The following BMP6 variants were observed in gnomAD, a reference collection of about 807,000 sequenced individuals.
BMP6 encodes the protein VG-1-R.
A neutral mutation model predicts 54.1 loss-of-function variants in BMP6; 17 were observed. The observed-to-expected ratio is 0.31, with a 90% confidence interval of 0.22 to 0.47. BMP6 has a LOEUF of 0.47. BMP6 is among the 20% of genes least tolerant of loss of function. The probability of loss-of-function intolerance (pLI) is 1.00; values close to 1 mark genes in which losing one functional copy is unlikely to be tolerated. For missense variants in BMP6, 720 were observed against 690.4 expected, an observed-to-expected ratio of 1.04 and a Z score of -0.48; for synonymous variants, 328 against 291.2, an observed-to-expected ratio of 1.13 and a Z score of -1.28.
chr6:7,872,427 T>C (rs1244438579), intron 4 of BMP6, among the ~76,000 whole-genome samples: 7 of 152,148 alleles, frequency 4.6e-5, no homozygotes. Context: ...GCACTTAACA[T>C]GGAATTATAA....
chr6:7,843,763 G>A (rs1759015483), intron 1 of BMP6, among the ~76,000 whole-genome samples: 2 of 152,104 alleles, frequency 1.3e-5, no homozygotes, highest in African/African-American at 4.8e-5. Flanking sequence ...TCTGAAGTTT[G>A]ATATCACTTT....
At chr6:7,834,300 C>A (rs1758839188) in intron 1 of BMP6, among the ~76,000 whole-genome samples, 1 of 149,564 alleles carries the variant, frequency 6.7e-6, no homozygotes, top group African/African-American at 2.5e-5. Context: ...AGGAAATACA[C>A]CACCAAAATG....
intron 1 of BMP6, among the ~76,000 whole-genome samples, chr6:7,836,211 A>T (rs202010586): frequency 0.075 from 9,579 of 127,846 alleles, 405 homozygotes; most frequent in African/African-American, 0.17. Context: ...TTTTTTTTTT[A>T]AAAAAAAATG....
In BMP6 at chr6:7,727,360, C is replaced by T; in HGVS notation, c.405C>T (p.Phe135=). 2 of 1,610,074 alleles carry T rather than the reference C, an allele frequency of 1.2e-6. No homozygotes were observed. Among genetic ancestry groups the T allele is most frequent in the Non-Finnish European group, 1.7e-6 (2 of 1,178,870 alleles). The part of the protein sequence containing the change: ...PPGRLKSAPL[F]MLDLYNALSA... ...GGCGACTGAAGTCCGCGCCCCTCTT[C>T]ATGCTGGATCTGTACAACGCCCTGT... Residue 135 remains phenylalanine (F), a synonymous_variant, in exon 1 of 7, where the codon TTC becomes TTT. Transcript: ENST00000283147.
At chr6:7,839,395 C>T (rs897517648) in intron 1 of BMP6, among the ~76,000 whole-genome samples, 4 of 152,214 alleles carry the variant, frequency 2.6e-5, no homozygotes, top group Non-Finnish European at 5.9e-5. Flanking sequence ...GTGCCACTAT[C>T]ACCACTTCCT....
At chr6:7,852,554 G>A (rs897685447) in intron 2 of BMP6, among the ~76,000 whole-genome samples, 14 of 152,172 alleles carry the variant, frequency 9.2e-5, no homozygotes, top group Admixed American at 9.2e-4. Flanking sequence ...TCTATGCTGG[G>A]CAACAAAGCA....
intron 2 of BMP6, among the ~76,000 whole-genome samples, chr6:7,855,278 G>T (rs1759207188): frequency 6.6e-6 from 1 of 152,178 alleles, no homozygotes; most frequent in South Asian, 2.1e-4. Context: ...ATGGTTCTTA[G>T]ACCAGCAGCA....
intron 1 of BMP6, among the ~76,000 whole-genome samples, chr6:7,781,815 G>A (rs1470866434): frequency 6.6e-6 from 1 of 151,540 alleles, no homozygotes; most frequent in Non-Finnish European, 1.5e-5. Context: ...GAGGCCCCAT[G>A]TCAGTGGGGG....
intron 4 of BMP6, among the ~76,000 whole-genome samples, chr6:7,870,820 G>C (rs530985334): frequency 6.6e-5 from 10 of 152,304 alleles, no homozygotes; most frequent in East Asian, 3.9e-4. Flanking sequence ...GTAGAGACAG[G>C]GTTTCACCAT....
intron 1 of BMP6, among the ~76,000 whole-genome samples, chr6:7,833,561 A>T (rs191204881): frequency 1.3e-5 from 2 of 152,172 alleles, no homozygotes; most frequent in Non-Finnish European, 2.9e-5. Context: ...TGGGCTGGAG[A>T]TAGAAATTTG....
At chr6:7,807,189 T>C (rs927401) in intron 1 of BMP6, among the ~76,000 whole-genome samples, 83,769 of 151,844 alleles carry the variant, frequency 0.55, 23,591 homozygotes, top group Middle Eastern at 0.71. Flanking sequence ...CCTCCTGTTC[T>C]ATCTCCATCC....
intron 1 of BMP6, among the ~76,000 whole-genome samples, chr6:7,780,865 C>T (rs1757933135): frequency 6.6e-6 from 1 of 151,938 alleles, no homozygotes; most frequent in African/African-American, 2.4e-5. Flanking sequence ...CACCCCCTAC[C>T]ACACCTGGCT....
At chr6:7,839,106 C>T (rs897544023) in intron 1 of BMP6, among the ~76,000 whole-genome samples, 1 of 152,124 alleles carries the variant, frequency 6.6e-6, no homozygotes, top group East Asian at 1.9e-4. Flanking sequence ...CTCCTGATTT[C>T]AACACACAAA....
chr6:7,729,224 G>A (rs948377347), intron 1 of BMP6, among the ~76,000 whole-genome samples: 7 of 152,202 alleles, frequency 4.6e-5, no homozygotes, highest in African/African-American at 1.7e-4. Flanking sequence ...CAGGGTGGCA[G>A]AGGACCAGCG....
rs1581220430 is a variant in BMP6 at position 7,726,942 on chromosome 6, C to T, written c.-14C>T. On this transcript the variant is annotated 5_prime_UTR_variant, in exon 1 of 7. Coordinates refer to ENST00000283147, the MANE Select transcript of BMP6 (RefSeq NM_001718.6). ...GCCTCGCGGGATCCGCGGGGGCAGC[C>T]CGGCCGGGCGGGGATGCCGGGGCTG... is the stretch of plus-strand genomic sequence containing the variant. 1.8e-6 allele frequency: 2 copies of T among 1,133,366 alleles called. No individual in the cohort carries two copies. The highest frequency in any genetic ancestry group is 2.2e-6 in the Non-Finnish European group (2 of 924,688). 70.2% of individuals were successfully genotyped at this position (1,133,366 alleles called of 1,614,324 possible). A position where few individuals can be genotyped will look rare whatever the true frequency, so the allele number is the denominator to read the frequency against.
chr6:7,870,358 T>C (rs532803076), intron 4 of BMP6, among the ~76,000 whole-genome samples: 1 of 152,332 alleles, frequency 6.6e-6, no homozygotes, highest in Non-Finnish European at 1.5e-5. Flanking sequence ...CTACCACTGA[T>C]TGCATCGTGC....
At chr6:7,774,044 A>G (rs906582914) in intron 1 of BMP6, among the ~76,000 whole-genome samples, 1 of 152,234 alleles carries the variant, frequency 6.6e-6, no homozygotes, top group Non-Finnish European at 1.5e-5. Context: ...CGGAGGAGGT[A>G]TAGTCCTGGG....
chr6:7,828,764 A>G (rs1178742241), intron 1 of BMP6, among the ~76,000 whole-genome samples: 2 of 152,350 alleles, frequency 1.3e-5, no homozygotes, highest in East Asian at 3.9e-4. Flanking sequence ...CAGCAGGAGC[A>G]TGCCTGTTTT....
At chr6:7,805,905 G>A (rs900561310) in intron 1 of BMP6, among the ~76,000 whole-genome samples, 1 of 152,172 alleles carries the variant, frequency 6.6e-6, no homozygotes, top group East Asian at 1.9e-4. Context: ...TAGAAGGCAC[G>A]TTTGAATCTG....
Sources: allele counts gnomAD v4.1 joint callset (sites outside exome capture counted in the v4.1 genomes callset), GRCh38; gene constraint gnomAD v4.1.1; transcripts MANE v1.5; gene names NCBI Gene and HGNC (gene_info 2026-07-23, HGNC 2026-07-21).